The following RORA variants were observed in gnomAD, a reference collection of about 807,000 sequenced individuals.
RORA encodes the protein RAR related orphan receptor A.
Under a neutral mutation model 69.5 loss-of-function variants are expected in RORA, and 7 were observed. The observed-to-expected ratio is 0.10, with a 90% confidence interval of 0.06 to 0.19. RORA has a LOEUF of 0.19. Ranked by LOEUF, RORA falls within the 10% of genes least tolerant of loss-of-function variation. The pLI, the probability that RORA is intolerant of heterozygous loss-of-function variation, is 1.00. For synonymous variants in RORA, 261 were observed against 240.8 expected (o/e 1.08, Z -0.78); for missense variants, 457 against 663.0 (o/e 0.69, Z 3.41).
In RORA at chr15:60,488,509, T is replaced by G. The variant is rs1190562150; in HGVS notation, c.*8946A>C. 1 of 152,242 alleles carries G rather than the reference T, an allele frequency of 6.6e-6. No homozygotes were observed. Among genetic ancestry groups the G allele is most frequent in the East Asian group, 1.9e-4 (1 of 5,206 alleles). The allele number at this position is 152,242 out of a possible 1,614,324, so 9.4% of individuals were successfully genotyped here. A position where few individuals can be genotyped will look rare whatever the true frequency, so the allele number is the denominator to read the frequency against. On this transcript the variant is annotated 3_prime_UTR_variant, in exon 11 of 11. Coordinates refer to ENST00000335670, the MANE Select transcript of RORA (RefSeq NM_134261.3). ...ATTTACAAAATGAATCAAAATATTTTTTTTTTAAATTCAGGACTCAATAAA... is the reference window on the plus strand; with the variant it reads ...ATTTACAAAATGAATCAAAATATTTGTTTTTTAAATTCAGGACTCAATAAA...
At chr15:61,187,120 G>A (rs1277772445) in intron 1 of RORA, among the ~76,000 whole-genome samples, 1 of 152,228 alleles carries the variant, frequency 6.6e-6, no homozygotes, top group African/African-American at 2.4e-5. Flanking sequence ...AGCGGCGGTG[G>A]CAGGCTGCCA....
At chr15:60,623,307 G>A (rs1235554040) in intron 2 of RORA, among the ~76,000 whole-genome samples, 1 of 152,122 alleles carries the variant, frequency 6.6e-6, no homozygotes, top group South Asian at 2.1e-4. Flanking sequence ...AAATTCTTTA[G>A]TAATGCCCAG....
intron 1 of RORA, among the ~76,000 whole-genome samples, chr15:61,086,737 T>C (rs914775064): frequency 6.6e-6 from 1 of 152,172 alleles, no homozygotes; most frequent in Non-Finnish European, 1.5e-5. Flanking sequence ...AATCTGTATT[T>C]CTTTGAATTG....
chr15:61,174,888 A>G (rs904614520), intron 1 of RORA, among the ~76,000 whole-genome samples: 2 of 152,180 alleles, frequency 1.3e-5, no homozygotes, highest in African/African-American at 2.4e-5. Flanking sequence ...CATTTTCTAC[A>G]TGAGAGCACT....
At chr15:61,113,132 C>A (rs1242355451) in intron 1 of RORA, among the ~76,000 whole-genome samples, 1 of 152,180 alleles carries the variant, frequency 6.6e-6, no homozygotes, top group African/African-American at 2.4e-5. Context: ...TATGGGTTGC[C>A]CCCTGGAATA....
intron 1 of RORA, among the ~76,000 whole-genome samples, chr15:60,696,843 A>G (rs1452450821): frequency 2.6e-5 from 4 of 152,342 alleles, no homozygotes; most frequent in Non-Finnish European, 5.9e-5. Context: ...AGGTGAGGCC[A>G]GAGCAAAGGT....
intron 1 of RORA, among the ~76,000 whole-genome samples, chr15:60,988,892 C>T (rs1894288618): frequency 7.2e-6 from 1 of 138,214 alleles, no homozygotes; most frequent in Non-Finnish European, 1.7e-5. Flanking sequence ...TTCTTTTACA[C>T]CGAAGGAAAG....
At chr15:60,877,904 T>G (rs2073635904) in intron 1 of RORA, among the ~76,000 whole-genome samples, 1 of 152,174 alleles carries the variant, frequency 6.6e-6, no homozygotes, top group South Asian at 2.1e-4. Flanking sequence ...GAGACCCGAT[T>G]TGGATTCACT....
intron 1 of RORA, among the ~76,000 whole-genome samples, chr15:61,112,874 C>T (rs2079019641): frequency 6.6e-6 from 1 of 152,332 alleles, no homozygotes; most frequent in Middle Eastern, 3.4e-3. Context: ...TATTGTCTGT[C>T]TCCTCCTAGA....
At chr15:60,518,291 C>A (rs2066033781) in intron 3 of RORA, among the ~76,000 whole-genome samples, 1 of 152,318 alleles carries the variant, frequency 6.6e-6, no homozygotes, top group African/African-American at 2.4e-5. Flanking sequence ...AACTTCCACC[C>A]ACCATTAATA....
At chr15:60,989,655 T>C (rs1055789528) in intron 1 of RORA, among the ~76,000 whole-genome samples, 2 of 152,242 alleles carry the variant, frequency 1.3e-5, no homozygotes, top group Non-Finnish European at 2.9e-5. Flanking sequence ...AGCTTGTTCG[T>C]GGTAGAGTCA....
intron 1 of RORA, among the ~76,000 whole-genome samples, chr15:61,104,592 T>C (rs1273889628): frequency 2.0e-5 from 3 of 152,164 alleles, no homozygotes; most frequent in Non-Finnish European, 4.4e-5. Context: ...CCTGATGAGA[T>C]TTAGCTTTTG....
chr15:60,621,899 T>A (rs1314851205), intron 2 of RORA, among the ~76,000 whole-genome samples: 1 of 151,834 alleles, frequency 6.6e-6, no homozygotes, highest in Admixed American at 6.6e-5. Context: ...AATACAAAAA[T>A]TAGCCGGGCG....
chr15:60,969,143 G>A (rs1468766513), intron 1 of RORA, among the ~76,000 whole-genome samples: 4 of 152,156 alleles, frequency 2.6e-5, no homozygotes, highest in Admixed American at 6.5e-5. Flanking sequence ...CATTACTAAT[G>A]ATGTTTACTT....
rs1237045910 is a variant in RORA at position 61,128,221 on chromosome 15, GTGTC to G, written c.166+100828_166+100831del. On this transcript the variant is annotated intron_variant, in intron 1 of 10. Coordinates refer to ENST00000335670, the MANE Select transcript of RORA (RefSeq NM_134261.3). The surrounding 1 kb of genome is among the most constrained non-coding windows in gnomAD (Gnocchi z 4.5). ...TATGCACACGTGTGTGTGTGTGTGTGTGTCTGTGTGTGAGTGTGTTTCTGCAAGG... is the reference window on the plus strand; with the variant it reads ...TATGCACACGTGTGTGTGTGTGTGTGTGTGTGTGAGTGTGTTTCTGCAAGG... 6.6e-6 allele frequency among the ~76,000 whole-genome samples: 1 copy of G among 151,862 alleles called. No homozygotes were observed. Among genetic ancestry groups the G allele is most frequent in the Non-Finnish European group, 1.5e-5 (1 of 67,992 alleles).
At chr15:60,619,269 T>A (rs1188100136) in intron 2 of RORA, among the ~76,000 whole-genome samples, 1 of 152,234 alleles carries the variant, frequency 6.6e-6, no homozygotes, top group African/African-American at 2.4e-5. Context: ...CAATGGATCA[T>A]CTTTCTTTGG....
chr15:61,082,946 T>C (rs147278690), intron 1 of RORA, among the ~76,000 whole-genome samples: 1 of 152,128 alleles, frequency 6.6e-6, no homozygotes, highest in Non-Finnish European at 1.5e-5. Context: ...TTCCCCAAGA[T>C]GACATACTAA....
chr15:60,893,477 G>A (rs950189431), intron 1 of RORA, among the ~76,000 whole-genome samples: 2 of 152,134 alleles, frequency 1.3e-5, no homozygotes, highest in African/African-American at 2.4e-5. Context: ...TCCTGGCACC[G>A]CCCCTGACTT....
At chr15:60,959,131 A>G (rs1255552799) in intron 1 of RORA, among the ~76,000 whole-genome samples, 1 of 152,240 alleles carries the variant, frequency 6.6e-6, no homozygotes, top group African/African-American at 2.4e-5. Context: ...CTTGCTTGGT[A>G]CAGCCATTGC....
Sources: gnomAD v4.1 joint callset for allele counts (sites outside exome capture counted in the v4.1 genomes callset) on GRCh38, gnomAD v4.1.1 for gene constraint, Gnocchi (gnomAD v3.1) non-coding constraint, MANE v1.5 for transcripts, NCBI Gene and HGNC (gene_info 2026-07-23, HGNC 2026-07-21) for gene names.